Variants in PI4KA observed in about 807,000 individuals in gnomAD.
PI4KA encodes the protein phosphatidylinositol 4-kinase alpha, also known as PI4-kinase alpha.
Under a neutral mutation model 271.4 loss-of-function variants are expected in PI4KA, and 122 were observed. The observed-to-expected ratio is 0.45, with a 90% confidence interval of 0.39 to 0.52. PI4KA has a LOEUF of 0.52. Ranked by LOEUF, PI4KA falls within the 20% of genes least tolerant of loss-of-function variation. PI4KA has a pLI of 0.00. For missense variants in PI4KA, 1,969 were observed against 2,769.1 expected (o/e 0.71, Z 6.48); for synonymous variants, 1,041 against 1,078.8 (o/e 0.96, Z 0.69).
At chr22:20,813,772 G>C (rs1255175833) in intron 7 of PI4KA, among the ~76,000 whole-genome samples, 1 of 152,074 alleles carries the variant, frequency 6.6e-6, no homozygotes, top group Non-Finnish European at 1.5e-5. Flanking sequence ...TATGTGGGAA[G>C]TGAAAAAAGA....
At chr22:20,821,879 G>A (rs947036562) in intron 4 of PI4KA, among the ~76,000 whole-genome samples, 12 of 152,232 alleles carry the variant, frequency 7.9e-5, no homozygotes, top group Admixed American at 7.8e-4. Flanking sequence ...ATAGGCATGA[G>A]CCACTGTGCC....
At chr22:20,760,860 AT>A (rs776214968) in intron 23 of PI4KA, among the ~76,000 whole-genome samples, 19 of 152,210 alleles carry the variant, frequency 1.2e-4, no homozygotes, top group Non-Finnish European at 2.2e-4. Flanking sequence ...AGCAAGTGGC[AT>A]GATCATAGCT....
At chr22:20,752,872 A>G in intron 25 of PI4KA, 31 bp downstream of exon 25, 1 of 1,609,144 alleles carries the variant, frequency 6.2e-7, no homozygotes, top group Non-Finnish European at 8.5e-7. Flanking sequence ...ATATACATAC[A>G]CACAAAACAT....
At chr22:20,835,537 A>G (rs1273068188) in intron 2 of PI4KA, among the ~76,000 whole-genome samples, 1 of 151,694 alleles carries the variant, frequency 6.6e-6, no homozygotes, top group Non-Finnish European at 1.5e-5. Context: ...TTTGAGACCC[A>G]GCTGGCCAAC....
intron 1 of PI4KA, among the ~76,000 whole-genome samples, chr22:20,856,661 G>A (rs75622876): frequency 6.6e-6 from 1 of 151,986 alleles, no homozygotes. Context: ...CTCAAACTCC[G>A]ACCTCAAGTG....
At chr22:20,849,537 T>C (rs1317302713) in intron 1 of PI4KA, among the ~76,000 whole-genome samples, 1 of 152,192 alleles carries the variant, frequency 6.6e-6, no homozygotes, top group Non-Finnish European at 1.5e-5. Context: ...ACAACATGGA[T>C]GAACCTTGAA....
chr22:20,729,625 G>T lies in PI4KA; in HGVS notation c.4488+7C>A. 6.4e-7 allele frequency: 1 copy of T among 1,563,838 alleles called. No individual in the cohort carries two copies. Among genetic ancestry groups the T allele is most frequent in the Non-Finnish European group, 8.7e-7 (1 of 1,153,020 alleles). On this transcript the variant is annotated splice_region_variant and intron_variant, in intron 38 of 54. Coordinates refer to ENST00000255882, the MANE Select transcript of PI4KA (RefSeq NM_058004.4). Reference sequence around the variant, plus strand: ...GCAGCAGGCACAGCTGCACCTGTGGGCCTTACCAGCAGGGACAGCAGCAGC... The same window carrying T: ...GCAGCAGGCACAGCTGCACCTGTGGTCCTTACCAGCAGGGACAGCAGCAGC...
At chr22:20,776,013 C>G (rs749863478) in intron 19 of PI4KA, among the ~76,000 whole-genome samples, 1 of 152,124 alleles carries the variant, frequency 6.6e-6, no homozygotes, top group Non-Finnish European at 1.5e-5. Flanking sequence ...CTATTTGCAG[C>G]TACATACATT....
chr22:20,796,462 A>C, intron 17 of PI4KA, 148 bp from the exon 18 acceptor site: 5 of 655,752 alleles, frequency 7.6e-6, no homozygotes, highest in Non-Finnish European at 1.3e-5. Context: ...AAGAACTCTC[A>C]AGTGGAGAAG....
intron 26 of PI4KA, 86 bp downstream of exon 26, chr22:20,751,588 C>T (rs1930696250): frequency 8.4e-7 from 1 of 1,183,994 alleles, no homozygotes; most frequent in Non-Finnish European, 1.3e-6. Context: ...GTCAGAGAAG[C>T]ATGCCACAAC....
rs771565948 is a variant in PI4KA at position 20,805,095 on chromosome 22, C to T, written c.1239G>A (p.Glu413=). Reference sequence around the variant, plus strand: ...CTGCGTCATGTAGAATCTTCTGGAGCTCCCCCTGGCTCGTGTTGAACTGCT... The same window carrying T: ...CTGCGTCATGTAGAATCTTCTGGAGTTCCCCCTGGCTCGTGTTGAACTGCT... ...VLEQFNTSQG[E]LQKILHDADR... is the part of the protein sequence containing the mutation. Residue 413 remains glutamate, a synonymous_variant, in exon 11 of 55, where the codon GAG becomes GAA. Transcript: ENST00000255882. 6.2e-7 allele frequency: 1 copy of T among 1,614,042 alleles called. No individual in the cohort carries two copies. Among genetic ancestry groups the T allele is most frequent in the Non-Finnish European group, 8.5e-7 (1 of 1,179,908 alleles).
At chr22:20,788,463 A>AC (rs1206643639) in intron 19 of PI4KA, among the ~76,000 whole-genome samples, 5 of 152,026 alleles carry the variant, frequency 3.3e-5, no homozygotes, top group Admixed American at 1.3e-4. Context: ...TGGCACTGTT[A>AC]CCCCTCCTTT....
chr22:20,819,559 C>A, intron 6 of PI4KA, 82 bp downstream of exon 6: 1 of 1,311,838 alleles, frequency 7.6e-7, no homozygotes, highest in Non-Finnish European at 1.1e-6. Context: ...TTTACTCCAA[C>A]TACAAAGAAG....
chr22:20,757,966 C>T (rs907325084), intron 23 of PI4KA, among the ~76,000 whole-genome samples: 1 of 152,144 alleles, frequency 6.6e-6, no homozygotes, highest in South Asian at 2.1e-4. Flanking sequence ...ACCAAAGAAT[C>T]GCAGGGTGGG....
At chr22:20,746,519 T>C (rs74790850) in intron 29 of PI4KA, among the ~76,000 whole-genome samples, 2,450 of 152,270 alleles carry the variant, frequency 0.016, 75 homozygotes, top group African/African-American at 0.053. Context: ...AGAACACATA[T>C]TCTATTTTAT....
chr22:20,767,729 G>T (rs898760891), intron 19 of PI4KA, among the ~76,000 whole-genome samples: 3 of 151,694 alleles, frequency 2.0e-5, no homozygotes, highest in African/African-American at 7.3e-5. Flanking sequence ...TTGCCTCCCA[G>T]GTTAAAGCAA....
At chr22:20,747,140 TA>T (rs1243152179) in intron 29 of PI4KA, among the ~76,000 whole-genome samples, 1 of 152,200 alleles carries the variant, frequency 6.6e-6, no homozygotes, top group Non-Finnish European at 1.5e-5. Context: ...TCCTCTAGAT[TA>T]ATCTCTAGCA....
Position 20,710,701 on chromosome 22 carries a change from C to T in PI4KA, c.6081G>A (p.Val2027=). Residue 2027 remains valine (V), a splice_region_variant and synonymous_variant, in exon 52 of 55, where the codon GTG becomes GTA. Transcript: ENST00000255882. Reference sequence around the variant, plus strand: ...CCCTGGCCCTCACCCAGGCTCACCGCACAGCCAGGTAGCCTCGGACACACA... The same window carrying T: ...CCCTGGCCCTCACCCAGGCTCACCGTACAGCCAGGTAGCCTCGGACACACA... ...MEMCVRGYLA[V]RPYMDAVVSL... is the part of the protein sequence containing the mutation. 1 of 1,614,080 alleles carries T rather than the reference C, an allele frequency of 6.2e-7. No homozygotes were observed. Among genetic ancestry groups the T allele is most frequent in the South Asian group, 1.1e-5 (1 of 91,082 alleles).
At chr22:20,858,116 A>T (rs1367584330) in intron 1 of PI4KA, among the ~76,000 whole-genome samples, 1 of 152,208 alleles carries the variant, frequency 6.6e-6, no homozygotes, top group African/African-American at 2.4e-5. Context: ...CCGGCAAAGC[A>T]GATAAAAGCA....
Sources: gnomAD v4.1 joint callset for allele counts (sites outside exome capture counted in the v4.1 genomes callset) on GRCh38, gnomAD v4.1.1 for gene constraint, MANE v1.5 for transcripts, NCBI Gene and HGNC (gene_info 2026-07-23, HGNC 2026-07-21) for gene names.